The following SPAG16 variants were observed in gnomAD, a reference collection of about 807,000 sequenced individuals.
The protein encoded by SPAG16 is sperm associated antigen 16.
In SPAG16, 86 loss-of-function variants were observed where a neutral mutation model predicts 80.4. The ratio of observed to expected loss-of-function variants is 1.07; its 90% CI spans 0.90 to 1.28. The LOEUF (loss-of-function observed/expected upper bound fraction) is 1.28, where lower values mean the gene tolerates loss of function less well. Ranked by LOEUF, SPAG16 falls within the 50% of genes most tolerant of loss-of-function variation. The pLI, the probability that SPAG16 is intolerant of heterozygous loss-of-function variation, is 0.00. For missense variants in SPAG16, 870 were observed against 765.3 expected, an observed-to-expected ratio of 1.14 and a Z score of -1.61; for synonymous variants, 294 against 265.9, an observed-to-expected ratio of 1.11 and a Z score of -1.03.
chr2:214,133,940 T>C (rs1005779524), intron 14 of SPAG16, among the ~76,000 whole-genome samples: 14 of 152,120 alleles, frequency 9.2e-5, no homozygotes, highest in Admixed American at 8.5e-4. Context: ...CAGGATGACA[T>C]TGAGGTACGT....
rs567558754 is a variant in SPAG16 at position 213,597,712 on chromosome 2, T to A, written c.1070+107622T>A. Among the ~76,000 whole-genome samples the A allele has an allele frequency of 2.5e-3, 382 of 152,074 alleles. 2 individuals carry two copies. The highest frequency in any genetic ancestry group is 8.8e-3 in the African/African-American group (365 of 41,528). ...CGCTATTTCATTTAAGAAAAAAAAA[T>A]TTTGTTACATATTTTGCAAAAAGCT... is the stretch of plus-strand genomic sequence containing the variant. On this transcript the variant is annotated intron_variant, in intron 10 of 15. Transcript: ENST00000331683.
chr2:213,421,202 C>CT (rs1360749030), intron 9 of SPAG16, among the ~76,000 whole-genome samples: 5 of 152,238 alleles, frequency 3.3e-5, no homozygotes, highest in African/African-American at 1.2e-4. Context: ...TGCCTGTTCC[C>CT]ACTGTCTGGC....
chr2:213,583,965 A>C (rs1213317479), intron 10 of SPAG16, among the ~76,000 whole-genome samples: 1 of 152,200 alleles, frequency 6.6e-6, no homozygotes, highest in Non-Finnish European at 1.5e-5. Context: ...TGGCTCATTA[A>C]AGAAAAAAAG....
chr2:214,072,204 G>C (rs889803343), intron 13 of SPAG16, among the ~76,000 whole-genome samples: 3 of 152,004 alleles, frequency 2.0e-5, no homozygotes, highest in Non-Finnish European at 4.4e-5. Flanking sequence ...AGAAGTAAAT[G>C]TCCTTTGAGA....
intron 14 of SPAG16, among the ~76,000 whole-genome samples, chr2:214,147,177 TA>T (rs2055687091): frequency 6.6e-6 from 1 of 152,170 alleles, no homozygotes; most frequent in African/African-American, 2.4e-5. Context: ...CCTGGCTCAT[TA>T]AAAGCATTTC....
At chr2:213,910,229 A>G (rs1385544244) in intron 11 of SPAG16, among the ~76,000 whole-genome samples, 1 of 152,228 alleles carries the variant, frequency 6.6e-6, no homozygotes. Flanking sequence ...TGAGACTACA[A>G]TATAACGATA....
chr2:213,955,351 G>T (rs570449023), intron 12 of SPAG16, among the ~76,000 whole-genome samples: 1 of 152,036 alleles, frequency 6.6e-6, no homozygotes, highest in Non-Finnish European at 1.5e-5. Flanking sequence ...GTTAATTTTG[G>T]TCTATGTTAT....
Position 213,858,907 on chromosome 2 carries a change from G to A in SPAG16, c.1071-3578G>A, listed in dbSNP as rs569598791. 8.8e-4 allele frequency among the ~76,000 whole-genome samples: 133 copies of A among 151,926 alleles called. 1 individual carries two copies. The highest frequency in any genetic ancestry group is 3.0e-3 in the African/African-American group (125 of 41,462). ...ATAAAAAATAAAAAGTCCGCCAGGTGCAGTGGCTCACGCCTGTAATCCCAG... is the reference window on the plus strand; with the variant it reads ...ATAAAAAATAAAAAGTCCGCCAGGTACAGTGGCTCACGCCTGTAATCCCAG... On this transcript the variant is annotated intron_variant, in intron 10 of 15. Transcript: ENST00000331683.
At chr2:213,960,260 GT>G (rs557744826) in intron 12 of SPAG16, among the ~76,000 whole-genome samples, 1 of 151,778 alleles carries the variant, frequency 6.6e-6, no homozygotes, top group South Asian at 2.1e-4. Context: ...GTTCAACATT[GT>G]TTTTTGTTTA....
intron 9 of SPAG16, among the ~76,000 whole-genome samples, chr2:213,486,627 C>T (rs1238070829): frequency 1.3e-5 from 2 of 151,952 alleles, no homozygotes; most frequent in African/African-American, 4.8e-5. Flanking sequence ...CCAACTGGCC[C>T]ATAAAGCAAT....
chr2:213,353,658 C>A (rs951521240), intron 7 of SPAG16, among the ~76,000 whole-genome samples: 5 of 152,168 alleles, frequency 3.3e-5, no homozygotes, highest in African/African-American at 4.8e-5. Context: ...GGACTCATGT[C>A]TGACCTGTTG....
In SPAG16 at chr2:213,539,343, G is replaced by C. The variant is rs541094044; in HGVS notation, c.1070+49253G>C. On this transcript the variant is annotated intron_variant, in intron 10 of 15. Coordinates refer to ENST00000331683, the MANE Select transcript of SPAG16 (RefSeq NM_024532.5). ...AGTATCTGTTTTATCTGAAGTCATA[G>C]CTTGTGGTGACAATGTTTAAATGCT... Among the ~76,000 whole-genome samples, 125 of 152,242 alleles carry C rather than the reference G, an allele frequency of 8.2e-4. 1 individual carries two copies. Among genetic ancestry groups the C allele is most frequent in the South Asian group, 1.5e-3 (7 of 4,820 alleles).
chr2:213,350,969 C>CAA (rs11320402), intron 7 of SPAG16, among the ~76,000 whole-genome samples: 1 of 141,002 alleles, frequency 7.1e-6, no homozygotes, highest in African/African-American at 2.6e-5. Context: ...ACTAAAAATA[C>CAA]AAAAAAAAAA....
At chr2:214,303,826 T>A (rs1694730177) in intron 15 of SPAG16, among the ~76,000 whole-genome samples, 1 of 152,226 alleles carries the variant, frequency 6.6e-6, no homozygotes, top group Non-Finnish European at 1.5e-5. Context: ...TTAAAATTTT[T>A]CTCTTACTGA....
At chr2:214,345,322 C>A (rs1048060494) in intron 15 of SPAG16, among the ~76,000 whole-genome samples, 4 of 152,118 alleles carry the variant, frequency 2.6e-5, no homozygotes, top group African/African-American at 7.2e-5. Flanking sequence ...CAGACACAGA[C>A]CCCATGAATA....
At chr2:213,383,202 A>C (rs1211054624) in intron 9 of SPAG16, among the ~76,000 whole-genome samples, 1 of 152,192 alleles carries the variant, frequency 6.6e-6, no homozygotes, top group Non-Finnish European at 1.5e-5. Context: ...ATATTGGATA[A>C]TATATGTATA....
intron 10 of SPAG16, among the ~76,000 whole-genome samples, chr2:213,794,207 C>A (rs1479350866): frequency 2.0e-5 from 3 of 152,184 alleles, no homozygotes; most frequent in African/African-American, 4.8e-5. Context: ...TCTAAAAAGA[C>A]TCGCTGAATT....
intron 10 of SPAG16, among the ~76,000 whole-genome samples, chr2:213,652,880 C>T (rs1158316980): frequency 2.6e-5 from 4 of 151,950 alleles, no homozygotes; most frequent in Non-Finnish European, 4.4e-5. Flanking sequence ...TTACTTTTAC[C>T]GATCATGATT....
chr2:213,696,398 C>T (rs984348988), intron 10 of SPAG16, among the ~76,000 whole-genome samples: 28 of 152,012 alleles, frequency 1.8e-4, no homozygotes, highest in African/African-American at 4.6e-4. Flanking sequence ...ATTCAGTACC[C>T]GATGTCTTGT....
Sources: allele counts gnomAD v4.1 joint callset (sites outside exome capture counted in the v4.1 genomes callset), GRCh38; gene constraint gnomAD v4.1.1; transcripts MANE v1.5; gene names NCBI Gene and HGNC (gene_info 2026-07-23, HGNC 2026-07-21).